Variants in NBAS observed in about 807,000 individuals in gnomAD.
NBAS encodes the protein NBAS subunit of NRZ tethering complex.
In NBAS, 219 loss-of-function variants were observed where a neutral mutation model predicts 302.5. The observed-to-expected ratio is 0.72, with a 90% CI of 0.65 to 0.81. NBAS has a LOEUF of 0.81. Ranked by LOEUF, NBAS falls within the 30% of genes least tolerant of loss-of-function variation. The pLI, the probability that NBAS is intolerant of heterozygous loss-of-function variation, is 0.00. For synonymous variants in NBAS, 1,118 were observed against 1,021.6 expected, an observed-to-expected ratio of 1.09 and a Z score of -1.80; for missense variants, 2,932 against 2,841.6, an observed-to-expected ratio of 1.03 and a Z score of -0.72.
chr2:14,824,513 A>G, the NBAS span, among the ~76,000 whole-genome samples: 1 of 152,100 alleles, frequency 6.6e-6, no homozygotes, highest in Non-Finnish European at 1.5e-5. Context: ...AAACCAATAA[A>G]TCTACACTTT....
the NBAS span, among the ~76,000 whole-genome samples, chr2:14,956,402 A>T: frequency 2.0e-5 from 3 of 152,086 alleles, no homozygotes. Flanking sequence ...AACTGTTCCA[A>T]CCTCTGCCTG....
chr2:15,351,742 T>C (rs1351237535), intron 35 of NBAS, among the ~76,000 whole-genome samples: 2 of 152,082 alleles, frequency 1.3e-5, no homozygotes, highest in African/African-American at 4.8e-5. Context: ...ACTGCTTCTT[T>C]ACCTGTAGTT....
At chr2:15,131,099 G>T in the NBAS span, among the ~76,000 whole-genome samples, 3 of 152,152 alleles carry the variant, frequency 2.0e-5, no homozygotes, top group African/African-American at 7.2e-5. Context: ...CCTATACGAG[G>T]TTCTTGAATT....
intron 26 of NBAS, chr2:15,397,884 C>CA (rs1289111445): frequency 1.6e-4 from 28 of 177,930 alleles, no homozygotes; most frequent in Admixed American, 4.4e-4. Flanking sequence ...CTGCTTTGGA[C>CA]AAAAAACCCT....
chr2:14,915,037 T>C, the NBAS span, among the ~76,000 whole-genome samples: 1 of 152,212 alleles, frequency 6.6e-6, no homozygotes, highest in Non-Finnish European at 1.5e-5. Flanking sequence ...AAAAGCTTAC[T>C]GATACAGAGA....
At position 15,467,761 on chromosome 2, in the gene NBAS, C is replaced by G; in HGVS notation, c.1921G>C (p.Glu641Gln). The G allele has an allele frequency of 6.3e-7, 1 of 1,598,376 alleles. No homozygotes were observed. The highest frequency in any genetic ancestry group is 8.6e-7 in the Non-Finnish European group (1 of 1,165,994). ...GEIDIDSISY[E>Q]ELSPPDEEPA... ...TCTTCATCAGGTGGTGAAAGCTCTT[C>G]ATAGGAGATACTGTCAATGTCTATT... Residue 641 changes from glutamate (E) to glutamine (Q), a missense_variant, in exon 18 of 52, where the codon GAA (glutamate) becomes CAA (glutamine). Coordinates refer to ENST00000281513, the MANE Select transcript of NBAS (RefSeq NM_015909.4).
At chr2:15,476,267 T>C (rs1408647442) in intron 13 of NBAS, among the ~76,000 whole-genome samples, 2 of 152,048 alleles carry the variant, frequency 1.3e-5, no homozygotes, top group African/African-American at 4.8e-5. Context: ...TTTTGAAAAA[T>C]GTACACATAC....
intron 21 of NBAS, among the ~76,000 whole-genome samples, chr2:15,440,369 A>G (rs1678306806): frequency 6.6e-6 from 1 of 152,230 alleles, no homozygotes; most frequent in Non-Finnish European, 1.5e-5. Flanking sequence ...GCTATTCTGC[A>G]GACACCGCTG....
At chr2:14,940,478 A>T in the NBAS span, among the ~76,000 whole-genome samples, 1 of 152,194 alleles carries the variant, frequency 6.6e-6, no homozygotes, top group East Asian at 1.9e-4. Context: ...AGCCAATTCA[A>T]CTTCTTTTCA....
chr2:15,067,501 G>C, the NBAS span, among the ~76,000 whole-genome samples: 2 of 146,584 alleles, frequency 1.4e-5, no homozygotes, highest in South Asian at 2.1e-4. Flanking sequence ...AAAAGAAAGA[G>C]AGTAAGAAAG....
chr2:14,947,143 G>A, the NBAS span, among the ~76,000 whole-genome samples: 1 of 151,856 alleles, frequency 6.6e-6, no homozygotes, highest in Non-Finnish European at 1.5e-5. Flanking sequence ...CCCAAAATTA[G>A]TAGACGGAAA....
chr2:14,818,174 G>A, the NBAS span, among the ~76,000 whole-genome samples: 1 of 152,080 alleles, frequency 6.6e-6, no homozygotes, highest in Admixed American at 6.5e-5. Context: ...ATGGAACCAT[G>A]GTTTCTTTAG....
intron 44 of NBAS, among the ~76,000 whole-genome samples, chr2:15,252,267 G>C (rs1358755072): frequency 6.6e-5 from 10 of 152,198 alleles, no homozygotes; most frequent in Admixed American, 6.5e-4. Flanking sequence ...GGGAGGCCGA[G>C]GCGGTTGGAT....
intron 29 of NBAS, among the ~76,000 whole-genome samples, chr2:15,381,573 A>G (rs1318159321): frequency 6.6e-6 from 1 of 152,200 alleles, no homozygotes; most frequent in Non-Finnish European, 1.5e-5. Flanking sequence ...CTTACTGCCA[A>G]TTTTGCAATC....
intron 44 of NBAS, among the ~76,000 whole-genome samples, chr2:15,270,735 TA>T (rs1213537531): frequency 1.3e-5 from 2 of 152,194 alleles, no homozygotes; most frequent in East Asian, 1.9e-4. Flanking sequence ...TAACATAACT[TA>T]AAAATTCTTT....
At chr2:14,794,229 G>A in the NBAS span, among the ~76,000 whole-genome samples, 6 of 152,106 alleles carry the variant, frequency 3.9e-5, no homozygotes, top group Admixed American at 3.9e-4. Flanking sequence ...TTTGGAGAAA[G>A]GTATGGACCT....
At chr2:15,234,414 A>C (rs1276380160) in intron 46 of NBAS, 131 bp downstream of exon 46, 27 of 930,180 alleles carry the variant, frequency 2.9e-5, no homozygotes, top group Non-Finnish European at 4.2e-5. Context: ...TGAGAACTCT[A>C]AAAATAATCT....
At chr2:15,018,150 A>G in the NBAS span, among the ~76,000 whole-genome samples, 1 of 152,004 alleles carries the variant, frequency 6.6e-6, no homozygotes, top group East Asian at 1.9e-4. Context: ...GGTAGGGGGA[A>G]GAGGAGGATA....
the NBAS span, among the ~76,000 whole-genome samples, chr2:15,046,688 T>C: frequency 6.6e-6 from 1 of 152,222 alleles, no homozygotes; most frequent in African/African-American, 2.4e-5. Flanking sequence ...AAGAAGAAAG[T>C]TGAGTCAGTT....
Sources: allele counts gnomAD v4.1 joint callset (sites outside exome capture counted in the v4.1 genomes callset), GRCh38; gene constraint gnomAD v4.1.1; transcripts MANE v1.5; gene names NCBI Gene and HGNC (gene_info 2026-07-23, HGNC 2026-07-21).